XPC: variants seen among roughly 807,000 people sequenced by gnomAD.
XPC encodes the protein XPC complex subunit, DNA damage recognition and repair factor, also known as DNA repair protein complementing XP-C cells.
XPC carries 76 observed loss-of-function variants against 95.8 expected under a neutral mutation model. The observed-to-expected ratio is 0.79, with a 90% CI of 0.66 to 0.96. The LOEUF is 0.96. Ranked by LOEUF, XPC falls within the 40% of genes least tolerant of loss-of-function variation. XPC has a pLI of 0.00. For synonymous variants in XPC, 442 were observed against 442.1 expected (o/e 1.00, Z 0.00); for missense variants, 1,146 against 1,179.8 (o/e 0.97, Z 0.42).
intron 8 of XPC, among the ~76,000 whole-genome samples, chr3:14,159,321 T>C (rs1252032439): frequency 2.0e-5 from 3 of 152,178 alleles, no homozygotes; most frequent in Non-Finnish European, 2.9e-5. Context: ...GTTTTAAGAA[T>C]ACAGATATTA....
At chr3:14,175,801 C>G (rs944410900) in intron 1 of XPC, among the ~76,000 whole-genome samples, 1 of 152,176 alleles carries the variant, frequency 6.6e-6, no homozygotes. Flanking sequence ...CTGACAGTCA[C>G]CAAATTATTG....
At chr3:14,178,205 C>G (rs1308980301) in intron 1 of XPC, among the ~76,000 whole-genome samples, 1 of 152,268 alleles carries the variant, frequency 6.6e-6, no homozygotes, top group Admixed American at 6.5e-5. Flanking sequence ...ACATCTGTAT[C>G]CTCTGGACAA....
Position 14,178,585 on chromosome 3 carries a change from A to T in XPC, c.-17T>A, listed in dbSNP as rs777891153. ...CCGAGCCATGTTGCTTGTCTGGGCA[A>T]ATTCCACTTCGCGAGTGACGCACCC... On this transcript the variant is annotated 5_prime_UTR_variant, in exon 1 of 16. The change creates a new upstream start codon in the 5' untranslated region. Transcript: ENST00000285021. The T allele has an allele frequency of 6.2e-7, 1 of 1,612,440 alleles. No homozygotes were observed.
intron 5 of XPC, 94 bp downstream of exon 5, chr3:14,167,075 C>T (rs1696410123): frequency 1.7e-6 from 2 of 1,158,250 alleles, no homozygotes; most frequent in Admixed American, 3.1e-5. Flanking sequence ...CTTGCCATGG[C>T]CACAGAGCAG....
At chr3:14,146,290 CA>C in intron 15 of XPC, 131 bp from the exon 16 acceptor site, 1 of 850,460 alleles carries the variant, frequency 1.2e-6, no homozygotes, top group Non-Finnish European at 1.8e-6. Flanking sequence ...GGGCATGGGA[CA>C]GGGCAGGGAG....
chr3:14,151,148 C>A (rs968672848), intron 11 of XPC, among the ~76,000 whole-genome samples: 3 of 152,138 alleles, frequency 2.0e-5, no homozygotes, highest in Non-Finnish European at 2.9e-5. Context: ...ATGACAGCCA[C>A]CAGTCACGTG....
chr3:14,149,069 A>G (rs1305549558), intron 11 of XPC, 121 bp from the exon 12 acceptor site: 5 of 1,386,060 alleles, frequency 3.6e-6, no homozygotes, highest in Non-Finnish European at 4.9e-6. Flanking sequence ...CACACCTACC[A>G]GCTGGGGTGC....
At chr3:14,166,935 G>C (rs1316923436) in intron 5 of XPC, among the ~76,000 whole-genome samples, 1 of 152,176 alleles carries the variant, frequency 6.6e-6, no homozygotes, top group Non-Finnish European at 1.5e-5. Flanking sequence ...TCTTTATTTA[G>C]CCTCTGCTGC....
At chr3:14,174,374 C>A (rs544048595) in intron 1 of XPC, among the ~76,000 whole-genome samples, 18 of 150,542 alleles carry the variant, frequency 1.2e-4, no homozygotes, top group Admixed American at 9.2e-4. Context: ...CTGGATCTTA[C>A]AATGGTAGTT....
chr3:14,147,983 G>A lies in XPC; in HGVS notation c.2439C>T (p.Val813=), dbSNP rs1695513873. The A allele has an allele frequency of 6.3e-7, 1 of 1,591,420 alleles. No homozygotes were observed. Among genetic ancestry groups the A allele is most frequent in the African/African-American group, 1.3e-5 (1 of 74,734 alleles). Reference sequence around the variant, plus strand: ...GGAGCACGTCTTTGAATTCCTCGCAGACGATGTATCCATCAGTCCTGTGGG... The same window carrying A: ...GGAGCACGTCTTTGAATTCCTCGCAAACGATGTATCCATCAGTCCTGTGGG... ...YSHPVTDGYI[V]CEEFKDVLLT... Residue 813 remains valine (V), a synonymous_variant, in exon 14 of 16, where the codon GTC becomes GTT. Transcript: ENST00000285021.
chr3:14,177,979 G>C (rs1696900777), intron 1 of XPC, among the ~76,000 whole-genome samples: 1 of 152,214 alleles, frequency 6.6e-6, no homozygotes, highest in African/African-American at 2.4e-5. Flanking sequence ...TAGATTTAAA[G>C]AGGAAAACCA....
chr3:14,156,191 ACACACACAG>A lies in XPC; in HGVS notation c.2033+135_2033+143del, dbSNP rs1370327723. The A allele has an allele frequency of 6.8e-6, 7 of 1,027,416 alleles. No homozygotes were observed. In the East Asian group the frequency reaches 1.8e-4, roughly 27 times the overall value. 63.6% of individuals were successfully genotyped at this position (1,027,416 alleles called of 1,614,324 possible). ...AATTTTCTTCTCTCCTACACATCACACACACACAGCACACGCACACTGGCTCAGCCCGAG... is the reference window on the plus strand; with the variant it reads ...AATTTTCTTCTCTCCTACACATCACACACACGCACACTGGCTCAGCCCGAG... On this transcript the variant is annotated intron_variant, in intron 10 of 15. Transcript: ENST00000285021.
rs752570198 is a variant in XPC, at chr3:14,146,083, G to A, written c.2681C>T (p.Ala894Val). 1.9e-6 allele frequency: 3 copies of A among 1,612,332 alleles called. No homozygotes were observed. Among genetic ancestry groups the A allele is most frequent in the East Asian group, 2.2e-5 (1 of 44,828 alleles). The part of the protein sequence containing the change: ...SDEEEGTSSQ[A>V]EAARILAASW... ...GGCAGCCAGTATCCTGGCCGCTTCT[G>A]CTTGAGAGCTGGTCCCCTCCTCTTC... The change falls in exon 16 of 16, where the codon GCA becomes GTA. Residue 894 changes from alanine (A) to valine (V), a missense_variant. By Grantham distance (64) the Ala-to-Val change is moderately conservative. Coordinates refer to ENST00000285021, the MANE Select transcript of XPC (RefSeq NM_004628.5).
chr3:14,169,591 G>A (rs1696529465), intron 3 of XPC, among the ~76,000 whole-genome samples: 1 of 152,206 alleles, frequency 6.6e-6, no homozygotes, highest in African/African-American at 2.4e-5. Flanking sequence ...CAGGCATAAA[G>A]GATGCTTTCA....
At chr3:14,148,407 T>C in intron 13 of XPC, 155 bp downstream of exon 13, 2 of 1,030,738 alleles carry the variant, frequency 1.9e-6, no homozygotes, top group Non-Finnish European at 2.8e-6. Context: ...CCAGAATTGG[T>C]AAAGCACTGA....
At position 14,145,427 on chromosome 3, in the gene XPC, G is replaced by A. The variant is rs766412922; in HGVS notation, c.*514C>T. On this transcript the variant is annotated 3_prime_UTR_variant, in exon 16 of 16. Transcript: ENST00000285021. Reference sequence around the variant, plus strand: ...CCCCTACTGCAAAGAGGCAGTGAGGGCAGCATTAGTAAGCCTGACTCAGGG... The same window carrying A: ...CCCCTACTGCAAAGAGGCAGTGAGGACAGCATTAGTAAGCCTGACTCAGGG... 5.7e-6 allele frequency: 4 copies of A among 697,356 alleles called. No homozygotes were observed. Among genetic ancestry groups the A allele is most frequent in the Non-Finnish European group, 1.0e-5 (4 of 382,518 alleles). 43.2% of individuals were successfully genotyped at this position (697,356 alleles called of 1,614,324 possible). A position where few individuals can be genotyped will look rare whatever the true frequency, so the allele number is the denominator to read the frequency against.
At chr3:14,170,649 G>T (rs1429635032) in intron 2 of XPC, 99 bp from the exon 3 acceptor site, 1 of 859,388 alleles carries the variant, frequency 1.2e-6, no homozygotes, top group Non-Finnish European at 1.8e-6. Context: ...TATTTATTGA[G>T]AATCTGTTGC....
At chr3:14,172,758 T>C (rs1696661274) in intron 2 of XPC, 109 bp downstream of exon 2, 4 of 1,267,452 alleles carry the variant, frequency 3.2e-6, no homozygotes, top group East Asian at 5.1e-5. Context: ...AATTTAAAGA[T>C]CCAATCTTCC....
chr3:14,153,178 A>C (rs1479089026), intron 10 of XPC: 1 of 152,204 alleles, frequency 6.6e-6, no homozygotes, highest in Non-Finnish European at 1.5e-5. Context: ...ACCCTTACCC[A>C]CAGAGGAATC....
Sources: gnomAD v4.1 joint callset for allele counts (sites outside exome capture counted in the v4.1 genomes callset) on GRCh38, gnomAD v4.1.1 for gene constraint, MANE v1.5 for transcripts, NCBI Gene and HGNC (gene_info 2026-07-23, HGNC 2026-07-21) for gene names.